MYO5C: variants seen among roughly 807,000 people sequenced by gnomAD.
MYO5C encodes the protein myosin VC.
MYO5C carries 194 observed loss-of-function variants against 235.7 expected under a neutral mutation model. The observed-to-expected ratio is 0.82, with a 90% CI of 0.73 to 0.93. MYO5C has a LOEUF of 0.93. MYO5C is among the 40% of genes least tolerant of loss of function. The pLI is 0.00. For synonymous variants in MYO5C, 707 were observed against 754.8 expected (o/e 0.94, Z 1.04); for missense variants, 2,038 against 2,127.2 (o/e 0.96, Z 0.82).
At chr15:52,278,612 A>C (rs2037099090) in intron 4 of MYO5C, among the ~76,000 whole-genome samples, 1 of 152,256 alleles carries the variant, frequency 6.6e-6, no homozygotes, top group Non-Finnish European at 1.5e-5. Flanking sequence ...CACTGCAAGA[A>C]AAGCATCTGC....
At chr15:52,208,174 CA>C (rs1402375059) in intron 36 of MYO5C, among the ~76,000 whole-genome samples, 3 of 152,060 alleles carry the variant, frequency 2.0e-5, no homozygotes, top group Non-Finnish European at 1.5e-5. Flanking sequence ...GTCGGAATGG[CA>C]AAGGAAACAT....
At chr15:52,270,296 C>A (rs373807315) in intron 7 of MYO5C, among the ~76,000 whole-genome samples, 2,715 of 151,946 alleles carry the variant, frequency 0.018, 32 homozygotes, top group Non-Finnish European at 0.025. Flanking sequence ...AAAACAACAA[C>A]AAAAAAAATC....
At chr15:52,241,836 C>G (rs1179834380) in intron 20 of MYO5C, among the ~76,000 whole-genome samples, 1 of 152,106 alleles carries the variant, frequency 6.6e-6, no homozygotes, top group Non-Finnish European at 1.5e-5. Context: ...GCCTCGAACT[C>G]CTGGGCTCAA....
intron 14 of MYO5C, among the ~76,000 whole-genome samples, chr15:52,248,446 G>A (rs951862066): frequency 2.0e-5 from 3 of 152,134 alleles, no homozygotes; most frequent in African/African-American, 4.8e-5. Flanking sequence ...ACGTCTGGCT[G>A]GAATTGTGAT....
chr15:52,286,031 G>A (rs1337431088), intron 1 of MYO5C, among the ~76,000 whole-genome samples: 4 of 151,918 alleles, frequency 2.6e-5, no homozygotes, highest in Non-Finnish European at 2.9e-5. Flanking sequence ...TGTGGGGAGC[G>A]CCTCTGCCCT....
At chr15:52,277,147 AC>A (rs749640158) in intron 4 of MYO5C, 1 of 529,952 alleles carries the variant, frequency 1.9e-6, no homozygotes, top group Non-Finnish European at 3.9e-6. Flanking sequence ...AGGGCATAGA[AC>A]AGGGCTTTAG....
Position 52,242,029 on chromosome 15 carries a change from A to G in MYO5C, c.2556+19T>C. ...AGGCCCGTACACCCTCCCTTCCTCT[A>G]GACAGAGGTTGGCCTCACCTTTCGA... is the stretch of plus-strand genomic sequence containing the variant. On this transcript the variant is annotated intron_variant, in intron 20 of 40. Transcript: ENST00000261839. 1 of 1,599,470 alleles carries G rather than the reference A, an allele frequency of 6.3e-7. No homozygotes were observed. The highest frequency in any genetic ancestry group is 8.5e-7 in the Non-Finnish European group (1 of 1,173,136).
intron 40 of MYO5C, among the ~76,000 whole-genome samples, chr15:52,194,700 A>G (rs915469086): frequency 6.6e-6 from 1 of 151,614 alleles, no homozygotes; most frequent in African/African-American, 2.4e-5. Flanking sequence ...CTGACTTAAT[A>G]TATTATCATA....
In MYO5C at chr15:52,261,659, G is replaced by A. The variant is rs1485530350; in HGVS notation, c.1048-532C>T. On this transcript the variant is annotated intron_variant, in intron 9 of 40. Coordinates refer to ENST00000261839, the MANE Select transcript of MYO5C (RefSeq NM_018728.4). ...GAGCTAGTGCCTCAGCTGACACGAG[G>A]GCTGGGGTGGGACTTTTCCTGAATA... Among the ~76,000 whole-genome samples the A allele has an allele frequency of 2.0e-5, 3 of 152,194 alleles. No homozygotes were observed. The East Asian group carries it at 5.8e-4, about 29-fold the overall frequency.
chr15:52,293,273 T>C (rs1313260119), intron 1 of MYO5C, among the ~76,000 whole-genome samples: 2 of 152,080 alleles, frequency 1.3e-5, no homozygotes, highest in Non-Finnish European at 2.9e-5. Flanking sequence ...TCTCAGCCCT[T>C]CTGCTTCCTC....
intron 33 of MYO5C, chr15:52,213,596 G>T (rs1405334484): frequency 4.5e-6 from 1 of 222,698 alleles, no homozygotes; most frequent in African/African-American, 2.2e-5. Context: ...TTGTCTTCAA[G>T]ATGCCAATGC....
chr15:52,214,051 A>C lies in MYO5C; in HGVS notation c.4042+552T>G, dbSNP rs1170563396. ...GCAGTAAGGCTGGGAGGAAGGGGAA[A>C]AGGTAATAAAGAATGAAAGAGTGAG... On this transcript the variant is annotated intron_variant, in intron 33 of 40. Coordinates refer to ENST00000261839, the MANE Select transcript of MYO5C (RefSeq NM_018728.4). 6.6e-5 allele frequency among the ~76,000 whole-genome samples: 10 copies of C among 152,318 alleles called. No homozygotes were observed. In the East Asian group the frequency reaches 1.9e-3, roughly 29 times the overall value.
intron 38 of MYO5C, 55 bp downstream of exon 38, chr15:52,204,810 C>A: frequency 6.3e-7 from 1 of 1,584,122 alleles, no homozygotes; most frequent in Non-Finnish European, 8.6e-7. Context: ...CCTCGGACTT[C>A]AAGAGCATCC....
chr15:52,222,343 C>T (rs759481972), intron 29 of MYO5C, among the ~76,000 whole-genome samples: 1 of 152,172 alleles, frequency 6.6e-6, no homozygotes. Flanking sequence ...CCTGTGTCCA[C>T]CCCTGGTCCT....
rs748415168 is a variant in MYO5C at position 52,256,641 on chromosome 15, T to C, written c.1393A>G (p.Met465Val). The part of the protein sequence containing the change: ...ANEKLQQQFN[M>V]HVFKLEQEEY... ...AAGAAGGCAGAAAGGTCACCTACCA[T>C]GTTAAACTGTTGTTGCAGTTTTTCA... is the stretch of plus-strand genomic sequence containing the variant. Residue 465 changes from methionine (M) to valine (V), a missense_variant and splice_region_variant, in exon 11 of 41, where the codon ATG (methionine) becomes GTG (valine). Transcript: ENST00000261839. The C allele has an allele frequency of 6.3e-7, 1 of 1,581,858 alleles. No individual in the cohort carries two copies. The highest frequency in any genetic ancestry group is 8.6e-7 in the Non-Finnish European group (1 of 1,160,660).
rs771224249 is a variant in MYO5C, at chr15:52,291,742, T to TG, written c.27+3867_27+3868insC. ...TTTGCATATTTTATGTTTTTTTTTTTTTTTTTTTTTTTTTGAGACAGGGTC... is the reference window on the plus strand; with the variant it reads ...TTTGCATATTTTATGTTTTTTTTTTTGTTTTTTTTTTTTTTGAGACAGGGTC... On this transcript the variant is annotated intron_variant, in intron 1 of 40. Transcript: ENST00000261839. 3.9e-3 allele frequency among the ~76,000 whole-genome samples: 357 copies of TG among 91,784 alleles called. 19 individuals are homozygous for TG. The highest frequency in any genetic ancestry group is 5.6e-3 in the Non-Finnish European group (232 of 41,450). 60.2% of individuals were successfully genotyped at this position (91,784 alleles called of 152,430 possible). A position where few individuals can be genotyped will look rare whatever the true frequency, so the allele number is the denominator to read the frequency against.
chr15:52,235,534 T>C, intron 23 of MYO5C, 136 bp downstream of exon 23: 1 of 597,600 alleles, frequency 1.7e-6, no homozygotes, highest in Non-Finnish European at 2.9e-6. Flanking sequence ...AATATGGCTA[T>C]TCCTTGTGAG....
At chr15:52,207,885 T>C (rs2141270510) in intron 36 of MYO5C, among the ~76,000 whole-genome samples, 1 of 152,330 alleles carries the variant, frequency 6.6e-6, no homozygotes, top group East Asian at 1.9e-4. Flanking sequence ...ATGCTTGACT[T>C]CACTAGTGAC....
Position 52,279,511 on chromosome 15 carries a change from C to T in MYO5C, c.302G>A (p.Ser101Asn). 6.2e-7 allele frequency: 1 copy of T among 1,612,270 alleles called. No homozygotes were observed. Among genetic ancestry groups the T allele is most frequent in the Non-Finnish European group, 8.5e-7 (1 of 1,178,390 alleles). ...FAESKLIYTY[S>N]GIILVAMNPY... Reference sequence around the variant, plus strand: ...CTTCCTAGAATTGCTCTCCTTACCACTGTAGGTGTAAATGAGTTTGGATTC... The same window carrying T: ...CTTCCTAGAATTGCTCTCCTTACCATTGTAGGTGTAAATGAGTTTGGATTC... Residue 101 changes from serine to asparagine, a missense_variant and splice_region_variant, in exon 3 of 41, where the codon AGT becomes AAT. Transcript: ENST00000261839.
Sources: allele counts gnomAD v4.1 joint callset (sites outside exome capture counted in the v4.1 genomes callset), GRCh38; gene constraint gnomAD v4.1.1; transcripts MANE v1.5; gene names NCBI Gene and HGNC (gene_info 2026-07-23, HGNC 2026-07-21).